Variants in NPC1 observed in about 807,000 individuals in gnomAD.
NPC1 encodes NPC intracellular cholesterol transporter 1, also known as Niemann-Pick C1 protein.
NPC1 carries 85 observed loss-of-function variants against 140.4 expected under a neutral mutation model. That is an observed-to-expected ratio of 0.61 (90% CI 0.51 to 0.72). The LOEUF is 0.72. Ranked by LOEUF, NPC1 falls within the 30% of genes least tolerant of loss-of-function variation. The pLI is 0.00. For synonymous variants in NPC1, 656 were observed against 624.8 expected, an observed-to-expected ratio of 1.05 and a Z score of -0.74; for missense variants, 1,504 against 1,623.8, an observed-to-expected ratio of 0.93 and a Z score of 1.27.
At chr18:23,528,056 A>G (rs969685203), downstream of NPC1, among the ~76,000 whole-genome samples, 1 of 152,208 alleles carries the variant, frequency 6.6e-6, no homozygotes, top group African/African-American at 2.4e-5. Context: ...AGTGGGGGAT[A>G]GTGGAGGAGT....
rs75570971 is a variant in NPC1, at chr18:23,511,886, C to T, written c.432-5244G>A. On this transcript the variant is annotated intron_variant, in intron 3 of 3. Transcript: ENST00000591107. ...AGGTACGAACATCTGAAAAGCTGAA[C>T]CAGTATCGCCAAATTTCTTCTAGAC... Among the ~76,000 whole-genome samples the T allele has an allele frequency of 0.023, 3,494 of 152,096 alleles. 240 individuals are homozygous for T. In the East Asian group the frequency reaches 0.29, roughly 13 times the overall value.
chr18:23,516,306 T>G, intron 3 of NPC1: 1 of 1,613,448 alleles, frequency 6.2e-7, no homozygotes, highest in Non-Finnish European at 8.5e-7. Flanking sequence ...CTAAAACATT[T>G]TCCCCCTAAA....
chr18:23,544,214 C>CGATG, intron 13 of NPC1, 130 bp downstream of exon 13: 1 of 880,570 alleles, frequency 1.1e-6, no homozygotes, highest in Non-Finnish European at 1.8e-6. Context: ...TCAAGACGAC[C>CGATG]GATGAGCCAC....
Position 23,536,286 on chromosome 18 carries a change from T to C in NPC1, c.3245+387A>G, listed in dbSNP as rs547886273. Among the ~76,000 whole-genome samples, 3 of 152,288 alleles carry C rather than the reference T, an allele frequency of 2.0e-5. No individual in the cohort carries two copies. The South Asian group carries it at 6.2e-4, about 32-fold the overall frequency. ...AAAAAACCCCTAACAATATAAAAAG[T>C]CTACATACAGGCAGCATCCCAAATA... On this transcript the variant is annotated intron_variant, in intron 21 of 24. Coordinates refer to ENST00000269228, the MANE Select transcript of NPC1 (RefSeq NM_000271.5).
rs563291578 is a variant in NPC1 at position 23,579,557 on chromosome 18, T to A, written c.58-5983A>T. Among the ~76,000 whole-genome samples the A allele has an allele frequency of 3.3e-5, 5 of 152,280 alleles. No homozygotes were observed. In the East Asian group the frequency reaches 9.6e-4, roughly 29 times the overall value. ...TAAGAAAATGACTGGATAGGGAAGC[T>A]TCTTTCAACGATAGGAACAGTTCAG... On this transcript the variant is annotated intron_variant, in intron 1 of 24. Transcript: ENST00000269228.
intron 14 of NPC1, among the ~76,000 whole-genome samples, chr18:23,542,637 T>C (rs1361449656): frequency 1.3e-5 from 2 of 152,256 alleles, no homozygotes; most frequent in African/African-American, 2.4e-5. Flanking sequence ...TTCTGGCTCC[T>C]TGTAATGTGG....
chr18:23,542,239 A>C (rs2058722537), intron 14 of NPC1, among the ~76,000 whole-genome samples: 1 of 123,438 alleles, frequency 8.1e-6, no homozygotes, highest in Non-Finnish European at 1.9e-5. Flanking sequence ...ATAGTAGTGA[A>C]AAAAAGAAAG....
At chr18:23,530,559 G>A (rs1228457877), downstream of NPC1, 40 of 1,613,992 alleles carry the variant, frequency 2.5e-5, no homozygotes, top group Admixed American at 3.3e-5. Flanking sequence ...ACAATATTCC[G>A]CTTTTTTGAA....
intron 4 of NPC1, among the ~76,000 whole-genome samples, chr18:23,562,256 T>C (rs2059052664): frequency 6.7e-6 from 1 of 148,878 alleles, no homozygotes; most frequent in Admixed American, 6.7e-5. Flanking sequence ...GCCACTGCAC[T>C]CCAGCGTGGG....
intron 3 of NPC1, among the ~76,000 whole-genome samples, chr18:23,511,041 G>T (rs2057843458): frequency 6.6e-6 from 1 of 152,232 alleles, no homozygotes; most frequent in Admixed American, 6.5e-5. Context: ...GTTCATTGCA[G>T]CACTGTTCAC....
downstream of NPC1, chr18:23,519,220 C>T (rs1379709210): frequency 1.3e-6 from 2 of 1,563,244 alleles, no homozygotes. Flanking sequence ...TGCTTAAAAG[C>T]CTTGTGAAAA....
At chr18:23,530,262 C>A (rs200032808), downstream of NPC1, 1 of 1,614,092 alleles carries the variant, frequency 6.2e-7, no homozygotes, top group Non-Finnish European at 8.5e-7. Flanking sequence ...GAGTTTCTAT[C>A]CTCCTGCTCA....
At chr18:23,526,593 C>G (rs149516338), downstream of NPC1, 60 of 1,593,880 alleles carry the variant, frequency 3.8e-5, no homozygotes, top group Non-Finnish European at 5.0e-5. Context: ...GCTTTTGTTA[C>G]GGTTTGCATC....
rs747957171 is a variant in NPC1, at chr18:23,544,949, C to G, written c.1947+11G>C. 41 of 1,401,990 alleles carry G rather than the reference C, an allele frequency of 2.9e-5. 3 individuals carry two copies. Among genetic ancestry groups the G allele is most frequent in the South Asian group, 5.8e-5 (5 of 85,658 alleles). 86.8% of individuals were successfully genotyped at this position (1,401,990 alleles called of 1,614,324 possible). ...AACCTCTAGAACATACACCACCCCCCCCCGGCTTACCAGAAGCCTGCGACA... is the reference window on the plus strand; with the variant it reads ...AACCTCTAGAACATACACCACCCCCGCCCGGCTTACCAGAAGCCTGCGACA... On this transcript the variant is annotated intron_variant, in intron 12 of 24. Coordinates refer to ENST00000269228, the MANE Select transcript of NPC1 (RefSeq NM_000271.5).
Position 23,572,076 on chromosome 18 carries a change from G to A in NPC1, c.285C>T (p.Ser95=). The change falls in exon 3 of 25, where the codon TCC becomes TCT. Residue 95 remains serine (S), a splice_region_variant and synonymous_variant. Transcript: ENST00000269228. ...DNLQLPLQFL[S]RCPSCFYNLL... ...TCTGTTTCCCCAGCAGAACCTACCT[G>A]GACAGAAACTGTAGAGGCAGCTGCA... is the stretch of plus-strand genomic sequence containing the variant. 1 of 1,611,050 alleles carries A rather than the reference G, an allele frequency of 6.2e-7. No individual in the cohort carries two copies. The highest frequency in any genetic ancestry group is 8.5e-7 in the Non-Finnish European group (1 of 1,177,352).
Position 23,512,970 on chromosome 18 carries a change from T to C in NPC1, c.432-6328A>G, listed in dbSNP as rs1438695905. ...TTCTATGAATTTGACTCCTTTTTTTTTAAGATGGAGTCTTGCTCTGTTGCC... is the reference window on the plus strand; with the variant it reads ...TTCTATGAATTTGACTCCTTTTTTTCTAAGATGGAGTCTTGCTCTGTTGCC... On this transcript the variant is annotated intron_variant, in intron 3 of 3. Transcript: ENST00000591107. Among the ~76,000 whole-genome samples the C allele has an allele frequency of 4.6e-5, 7 of 152,092 alleles. No homozygotes were observed. In the East Asian group the frequency reaches 1.3e-3, roughly 29 times the overall value.
chr18:23,561,025 T>G lies in NPC1; in HGVS notation c.631+335A>C, dbSNP rs143001719. Reference sequence around the variant, plus strand: ...CCTCAACTAAGATTCATTCATTCATTCATGGAGAGACAGGGCTTTGCCCTC... The same window carrying G: ...CCTCAACTAAGATTCATTCATTCATGCATGGAGAGACAGGGCTTTGCCCTC... On this transcript the variant is annotated intron_variant, in intron 5 of 24. Coordinates refer to ENST00000269228, the MANE Select transcript of NPC1 (RefSeq NM_000271.5). 4.7e-3 allele frequency among the ~76,000 whole-genome samples: 718 copies of G among 152,340 alleles called. 6 individuals carry two copies. Among genetic ancestry groups the G allele is most frequent in the South Asian group, 0.016 (78 of 4,830 alleles).
At chr18:23,580,741 G>C (rs1335692981) in intron 1 of NPC1, among the ~76,000 whole-genome samples, 1 of 152,202 alleles carries the variant, frequency 6.6e-6, no homozygotes, top group Admixed American at 6.5e-5. Context: ...GGCTGGCCTG[G>C]CCAGTCAGGA....
chr18:23,544,945 C>A lies in NPC1; in HGVS notation c.1947+15G>T. ...TGTTAACCTCTAGAACATACACCAC[C>A]CCCCCCCGGCTTACCAGAAGCCTGC... is the stretch of plus-strand genomic sequence containing the variant. On this transcript the variant is annotated intron_variant, in intron 12 of 24. Transcript: ENST00000269228. 1.5e-6 allele frequency: 2 copies of A among 1,291,334 alleles called. No homozygotes were observed. The highest frequency in any genetic ancestry group is 1.2e-5 in the South Asian group (1 of 81,250). The allele number at this position is 1,291,334 out of a possible 1,614,324, so 80.0% of individuals were successfully genotyped here.
Sources: gnomAD v4.1 joint callset for allele counts (sites outside exome capture counted in the v4.1 genomes callset) on GRCh38, gnomAD v4.1.1 for gene constraint, MANE v1.5 for transcripts, NCBI Gene and HGNC (gene_info 2026-07-23, HGNC 2026-07-21) for gene names.